Variants in ABCF3 observed in about 807,000 individuals in gnomAD.
ABCF3 encodes the protein ATP binding cassette subfamily F member 3, also known as ATP-binding cassette sub-family F member 3.
A neutral mutation model predicts 94.3 loss-of-function variants in ABCF3; 62 were observed. That is an observed-to-expected ratio of 0.66 (90% CI 0.54 to 0.81). ABCF3 has a LOEUF of 0.81. ABCF3 is among the 40% of genes least tolerant of loss of function. ABCF3 has a pLI of 0.00. For synonymous variants in ABCF3, 355 were observed against 361.1 expected (o/e 0.98, Z 0.19); for missense variants, 843 against 925.3 (o/e 0.91, Z 1.15).
In ABCF3 at chr3:184,188,790, C is replaced by T. The variant is rs531703061; in HGVS notation, c.866C>T (p.Ala289Val). Residue 289 changes from alanine (A) to valine (V), a missense_variant, in exon 8 of 21, where the codon GCA becomes GTA. Physicochemically the swap from Ala to Val is moderately conservative, Grantham distance 64 (BLOSUM62 0). Transcript: ENST00000429586. ...GAGGGCTCTGAAGCTGCAGAGCTGG[C>T]AGAAATCTATGCCAAACTGGAGGAG... ...RAEGSEAAEL[A>V]EIYAKLEEIE... is the part of the protein sequence containing the mutation. 1.3e-4 allele frequency: 215 copies of T among 1,613,924 alleles called. 1 individual carries two copies. In the East Asian group the frequency reaches 4.3e-3, roughly 32 times the overall value.
At position 184,193,826 on chromosome 3, in the gene ABCF3, T is replaced by C; in HGVS notation, c.*128T>C. The C allele has an allele frequency of 8.4e-7, 1 of 1,186,586 alleles. No individual in the cohort carries two copies. Among genetic ancestry groups the C allele is most frequent in the Non-Finnish European group, 1.2e-6 (1 of 865,352 alleles). The allele number at this position is 1,186,586 out of a possible 1,614,324, so 73.5% of individuals were successfully genotyped here. ...GGACAGCCTTATTCCCAAATGTCTC[T>C]ATCCTTTTGACTGGAGCATCTTCTG... On this transcript the variant is annotated 3_prime_UTR_variant, in exon 21 of 21. Transcript: ENST00000429586. The surrounding 1 kb of genome is among the most constrained non-coding windows in gnomAD (Gnocchi z 5.2).
At chr3:184,186,452 T>A in intron 1 of ABCF3, 55 bp from the exon 2 acceptor site, 1 of 1,584,084 alleles carries the variant, frequency 6.3e-7, no homozygotes, top group Non-Finnish European at 8.6e-7. Context: ...GGTCTGAAAC[T>A]GCTTGTGTGT....
At chr3:184,186,337 C>T in intron 1 of ABCF3, 57 bp downstream of exon 1, 2 of 1,610,116 alleles carry the variant, frequency 1.2e-6, no homozygotes, top group South Asian at 1.1e-5. Flanking sequence ...GGGGGAAAGT[C>T]TAAGCGAGCG....
Position 184,186,273 on chromosome 3 carries a change from C to G in ABCF3, c.66C>G (p.Tyr22Ter). The G allele has an allele frequency of 6.2e-7, 1 of 1,614,218 alleles. No individual in the cohort carries two copies. The highest frequency in any genetic ancestry group is 8.5e-7 in the Non-Finnish European group (1 of 1,180,040). Residue 22 changes from tyrosine (Y) to a stop codon, truncating the protein, a stop_gained, in exon 1 of 21, where the codon TAC becomes TAG. Transcript: ENST00000429586. LOFTEE classifies it high-confidence loss of function. ...AAATTGACGGACAAGTCTTCGACTA[C>G]GTGACCGGTAAGCAGAACTGAATCG... ...FPEIDGQVFD[Y>*]VTGVLHSGSA...
At chr3:184,189,806 G>T (rs764470884) in intron 13 of ABCF3, 49 bp downstream of exon 13, 1 of 1,613,896 alleles carries the variant, frequency 6.2e-7, no homozygotes, top group Non-Finnish European at 8.5e-7. Flanking sequence ...GTTCCAGAGT[G>T]GGGGATAGTG....
Position 184,187,967 on chromosome 3 carries a change from G to A in ABCF3, c.553G>A (p.Val185Met). 1 of 1,614,002 alleles carries A rather than the reference G, an allele frequency of 6.2e-7. No individual in the cohort carries two copies. The highest frequency in any genetic ancestry group is 8.5e-7 in the Non-Finnish European group (1 of 1,180,046). The change falls in exon 6 of 21, where the codon GTG becomes ATG. Residue 185 changes from valine (V) to methionine (M), a missense_variant. By Grantham distance (21) the Val-to-Met change is conservative. Transcript: ENST00000429586. ...SYDVRIENFD[V>M]SFGDRVLLAG... is the part of the protein sequence containing the mutation. ...TGATGTGCGAATTGAGAACTTTGAT[G>A]TGTCTTTTGGCGATAGGTGAGGGAA...
Position 184,188,959 on chromosome 3 carries a change from T to C in ABCF3, c.948T>C (p.Phe316=), listed in dbSNP as rs370552813. Residue 316 remains phenylalanine (F), a synonymous_variant, in exon 9 of 21, where the codon TTT becomes TTC. Coordinates refer to ENST00000429586, the MANE Select transcript of ABCF3 (RefSeq NM_018358.3). The stretch of plus-strand genomic sequence containing the variant: ...CAGTCATTCTCGCTGGGCTTGGCTT[T>C]ACCCCTAAAATGCAGCAGCAGCCCA... ...RASVILAGLG[F]TPKMQQQPTR... 1 of 1,614,258 alleles carries C rather than the reference T, an allele frequency of 6.2e-7. No homozygotes were observed. Among genetic ancestry groups the C allele is most frequent in the South Asian group, 1.1e-5 (1 of 91,090 alleles).
chr3:184,188,418 C>T lies in ABCF3; in HGVS notation c.836+11C>T. 6.3e-7 allele frequency: 1 copy of T among 1,598,268 alleles called. No individual in the cohort carries two copies. Among genetic ancestry groups the T allele is most frequent in the Non-Finnish European group, 8.5e-7 (1 of 1,169,902 alleles). On this transcript the variant is annotated intron_variant, in intron 7 of 20. Transcript: ENST00000429586. ...GATTGCTGCTGGCAGGTGAGGACTC[C>T]CGGCTAGGGAGTAACTAGCAGCCGC... is the stretch of plus-strand genomic sequence containing the variant.
At position 184,187,612 on chromosome 3, in the gene ABCF3, T is replaced by C. The variant is rs926393817; in HGVS notation, c.349-52T>C. 4.4e-6 allele frequency: 7 copies of C among 1,601,482 alleles called. No homozygotes were observed. In the African/African-American group the frequency reaches 9.4e-5, roughly 21 times the overall value. ...TTACTCGAGATGTTCTCTCTTGGGG[T>C]TCCTTTCTGAGCCTACACCCGAGAG... On this transcript the variant is annotated intron_variant, in intron 4 of 20. Transcript: ENST00000429586.
In ABCF3 at chr3:184,187,832, C is replaced by T. The variant is rs377494744; in HGVS notation, c.447-29C>T. On this transcript the variant is annotated intron_variant, in intron 5 of 20. Coordinates refer to ENST00000429586, the MANE Select transcript of ABCF3 (RefSeq NM_018358.3). ...CCTGGACAGAAGGTGGTGGGGAGCA[C>T]TAAGAGCTGTCCATTTCTCCCTTTA... 1.5e-5 allele frequency: 24 copies of T among 1,613,926 alleles called. No homozygotes were observed. In the African/African-American group the frequency reaches 2.4e-4, roughly 16 times the overall value.
Position 184,192,819 on chromosome 3 carries a change from G to T in ABCF3, c.1673G>T (p.Gly558Val), listed in dbSNP as rs1220843780. The T allele has an allele frequency of 4.3e-6, 7 of 1,614,080 alleles. No homozygotes were observed. Among genetic ancestry groups the T allele is most frequent in the Non-Finnish European group, 5.9e-6 (7 of 1,179,944 alleles). Residue 558 changes from glycine (G) to valine (V), a missense_variant, in exon 18 of 21, where the codon GGC becomes GTC. Coordinates refer to ENST00000429586, the MANE Select transcript of ABCF3 (RefSeq NM_018358.3). ...TCTGCCTGCAGGAATCTGAAGATTG[G>T]CTATTTCAGCCAGCACCATGTGGAG... ...IRHAHRNLKI[G>V]YFSQHHVEQL...
chr3:184,191,376 G>A, intron 16 of ABCF3, 121 bp downstream of exon 16: 6 of 1,456,766 alleles, frequency 4.1e-6, no homozygotes, highest in Non-Finnish European at 5.6e-6. Context: ...GTGAGGGCCC[G>A]GGCTAAGGAT....
Position 184,187,766 on chromosome 3 carries a change from G to C in ABCF3, c.446+5G>C. On this transcript the variant is annotated splice_donor_5th_base_variant and intron_variant, in intron 5 of 20. Transcript: ENST00000429586. ...GCTCAAGACCAGCAACCCTCTGTGAGTGGGGGAAGCATGGCTCAGAAGAGA... is the reference window on the plus strand; with the variant it reads ...GCTCAAGACCAGCAACCCTCTGTGACTGGGGGAAGCATGGCTCAGAAGAGA... The C allele has an allele frequency of 6.2e-7, 1 of 1,614,208 alleles. No individual in the cohort carries two copies. Among genetic ancestry groups the C allele is most frequent in the Non-Finnish European group, 8.5e-7 (1 of 1,180,030 alleles).
At chr3:184,187,568 A>G (rs758482619) in intron 4 of ABCF3, 96 bp from the exon 5 acceptor site, 2 of 1,546,932 alleles carry the variant, frequency 1.3e-6, no homozygotes, top group East Asian at 4.5e-5. Flanking sequence ...TCTGTTCATC[A>G]TGGGTAAGTT....
rs1207011115 is a variant in ABCF3 at position 184,189,078 on chromosome 3, C to T, written c.978-10C>T. The T allele has an allele frequency of 6.2e-7, 1 of 1,614,094 alleles. No homozygotes were observed. Among genetic ancestry groups the T allele is most frequent in the East Asian group, 2.2e-5 (1 of 44,896 alleles). ...ACACCCACCCATAATGTGACTCCATCATTCTTTAGGGAGTTCTCAGGTGGC... is the reference window on the plus strand; with the variant it reads ...ACACCCACCCATAATGTGACTCCATTATTCTTTAGGGAGTTCTCAGGTGGC... On this transcript the variant is annotated splice_polypyrimidine_tract_variant and intron_variant, in intron 9 of 20. Transcript: ENST00000429586.
chr3:184,193,478 T>C lies in ABCF3; in HGVS notation c.1971+26T>C, dbSNP rs767027183. ...GTGAGTGTGCCTTCACCCTGACCACTCCTCCCAGGCCTCGGTGCCTCTTGT... is the reference window on the plus strand; with the variant it reads ...GTGAGTGTGCCTTCACCCTGACCACCCCTCCCAGGCCTCGGTGCCTCTTGT... On this transcript the variant is annotated intron_variant, in intron 20 of 20. Coordinates refer to ENST00000429586, the MANE Select transcript of ABCF3 (RefSeq NM_018358.3). This position sits in a 1 kb window ranked among gnomAD's most constrained non-coding sequence, Gnocchi z 5.2. The C allele has an allele frequency of 1.2e-6, 2 of 1,613,446 alleles. No homozygotes were observed. The highest frequency in any genetic ancestry group is 2.2e-5 in the South Asian group (2 of 91,066).
intron 2 of ABCF3, 60 bp downstream of exon 2, chr3:184,186,714 A>G (rs1715644267): frequency 1.3e-6 from 2 of 1,591,722 alleles, no homozygotes; most frequent in South Asian, 1.1e-5. Context: ...TCCGGAGACA[A>G]GAGGTGGGGG....
At chr3:184,191,375 C>T (rs843339) in intron 16 of ABCF3, 120 bp downstream of exon 16, 472,049 of 1,468,474 alleles carry the variant, frequency 0.32, 79,123 homozygotes, top group East Asian at 0.56. Context: ...AGTGAGGGCC[C>T]GGGCTAAGGA....
Position 184,188,128 on chromosome 3 carries a change from T to G in ABCF3, c.570-13T>G. On this transcript the variant is annotated splice_polypyrimidine_tract_variant and intron_variant, in intron 6 of 20. Transcript: ENST00000429586. The stretch of plus-strand genomic sequence containing the variant: ...TCTAGAGCATCTTTGGTCTCCTTTC[T>G]CCACTCCTGCAGAGTACTGCTGGCT... 2 of 1,611,876 alleles carry G rather than the reference T, an allele frequency of 1.2e-6. No homozygotes were observed. Among genetic ancestry groups the G allele is most frequent in the Non-Finnish European group, 1.7e-6 (2 of 1,178,236 alleles).
Sources: gnomAD v4.1 joint callset for allele counts on GRCh38, gnomAD v4.1.1 for gene constraint, Gnocchi (gnomAD v3.1) non-coding constraint, MANE v1.5 for transcripts, NCBI Gene and HGNC (gene_info 2026-07-23, HGNC 2026-07-21) for gene names.